EBF2: variants seen among roughly 807,000 people sequenced by gnomAD.
EBF2 encodes EBF transcription factor 2.
EBF2 carries 21 observed loss-of-function variants against 72.8 expected under a neutral mutation model. That is an observed-to-expected ratio of 0.29 (90% confidence interval 0.20 to 0.42). The LOEUF is 0.42. Among genes scored for constraint, EBF2 ranks in the 10% least tolerant of loss-of-function variants. The probability of loss-of-function intolerance (pLI) is 1.00; values close to 1 mark genes in which losing one functional copy is unlikely to be tolerated. For missense variants in EBF2, 637 were observed against 731.2 expected, an observed-to-expected ratio of 0.87 and a Z score of 1.49; for synonymous variants, 299 against 274.2, an observed-to-expected ratio of 1.09 and a Z score of -0.89.
intron 5 of EBF2, among the ~76,000 whole-genome samples, chr8:26,036,622 C>A (rs1276866475): frequency 6.6e-6 from 1 of 152,034 alleles, no homozygotes; most frequent in Non-Finnish European, 1.5e-5. Context: ...AGTCCTCCTG[C>A]CAGCAATATT....
rs114699667 is a variant in EBF2 at position 25,858,836 on chromosome 8, C to T, written c.1343-332G>A. Among the ~76,000 whole-genome samples, 1,326 of 151,662 alleles carry T rather than the reference C, an allele frequency of 8.7e-3. 20 individuals carry two copies. Among genetic ancestry groups the T allele is most frequent in the African/African-American group, 0.031 (1,263 of 41,364 alleles). On this transcript the variant is annotated intron_variant, in intron 13 of 15. Transcript: ENST00000520164. ...CCATTGCGCCCGGCTAATTTTTGTA[C>T]TTTTAGTGGAGACGGGAATTCACCA... is the stretch of plus-strand genomic sequence containing the variant.
intron 7 of EBF2, among the ~76,000 whole-genome samples, chr8:25,893,326 G>T (rs982161191): frequency 7.3e-6 from 1 of 136,974 alleles, no homozygotes; most frequent in Non-Finnish European, 1.5e-5. Flanking sequence ...CTATCACCCA[G>T]GCTGAAGTGC....
At chr8:26,019,716 T>C (rs1805176034) in intron 6 of EBF2, among the ~76,000 whole-genome samples, 1 of 152,186 alleles carries the variant, frequency 6.6e-6, no homozygotes, top group Non-Finnish European at 1.5e-5. Flanking sequence ...TCTCTCCTGG[T>C]CTCTGGGTGC....
intron 6 of EBF2, among the ~76,000 whole-genome samples, chr8:25,987,825 G>A (rs747923227): frequency 2.0e-5 from 3 of 152,060 alleles, no homozygotes; most frequent in Non-Finnish European, 2.9e-5. Flanking sequence ...AAGCATTCAT[G>A]TGGGCTCCAG....
chr8:25,993,343 A>G (rs997164215), intron 6 of EBF2, among the ~76,000 whole-genome samples: 1 of 152,226 alleles, frequency 6.6e-6, no homozygotes, highest in South Asian at 2.1e-4. Flanking sequence ...GCAGACTTCC[A>G]GTTCAAAATG....
chr8:25,978,355 A>G lies in EBF2; in HGVS notation c.551+54730T>C, dbSNP rs141346890. ...GGGCAGATTTTCTTTTACGACTGCT[A>G]AATGCCTGCCTTTCTCCCCAAGCAA... On this transcript the variant is annotated intron_variant, in intron 6 of 15. Coordinates refer to ENST00000520164, the MANE Select transcript of EBF2 (RefSeq NM_022659.4). 3.4e-3 allele frequency among the ~76,000 whole-genome samples: 516 copies of G among 152,308 alleles called. 6 individuals are homozygous for G. Among genetic ancestry groups the G allele is most frequent in the African/African-American group, 0.012 (498 of 41,576 alleles).
chr8:25,882,109 C>G (rs1244964184), intron 10 of EBF2, among the ~76,000 whole-genome samples: 1 of 152,096 alleles, frequency 6.6e-6, no homozygotes, highest in South Asian at 2.1e-4. Context: ...TAACACAAGC[C>G]GCCTACGGAA....
intron 6 of EBF2, among the ~76,000 whole-genome samples, chr8:26,016,875 G>A (rs1336133759): frequency 6.6e-6 from 1 of 152,180 alleles, no homozygotes; most frequent in African/African-American, 2.4e-5. Flanking sequence ...TAGACAAGAT[G>A]TCATGTGGGA....
intron 6 of EBF2, among the ~76,000 whole-genome samples, chr8:25,945,177 C>A (rs1011447355): frequency 2.2e-5 from 3 of 136,000 alleles, no homozygotes; most frequent in Non-Finnish European, 4.6e-5. Flanking sequence ...GACTTCATAG[C>A]CTGCATGATT....
chr8:25,848,613 A>C (rs1251581742), intron 15 of EBF2, among the ~76,000 whole-genome samples: 3 of 152,158 alleles, frequency 2.0e-5, no homozygotes, highest in African/African-American at 7.2e-5. Context: ...AAAATAGAGA[A>C]GATCTGAGAC....
At chr8:25,855,551 C>T (rs770512316) in intron 14 of EBF2, among the ~76,000 whole-genome samples, 8 of 152,052 alleles carry the variant, frequency 5.3e-5, no homozygotes, top group African/African-American at 1.9e-4. Context: ...GTATTTGCTC[C>T]GTGGCATGGT....
chr8:26,005,287 T>TATATAA lies in EBF2; in HGVS notation c.551+27797_551+27798insTTATAT, dbSNP rs374734103. ...ATATATAATATATATAATTATATAA[T>TATATAA]TATATAATTATATATAATTATATAT... On this transcript the variant is annotated intron_variant, in intron 6 of 15. Transcript: ENST00000520164. Among the ~76,000 whole-genome samples the TATATAA allele has an allele frequency of 2.3e-3, 19 of 8,182 alleles. 1 individual carries two copies. Among genetic ancestry groups the TATATAA allele is most frequent in the African/African-American group, 6.2e-3 (17 of 2,762 alleles). 5.4% of individuals were successfully genotyped at this position (8,182 alleles called of 152,430 possible).
chr8:26,002,412 C>T (rs373762877), intron 6 of EBF2, among the ~76,000 whole-genome samples: 7 of 152,224 alleles, frequency 4.6e-5, no homozygotes, highest in Non-Finnish European at 8.8e-5. Flanking sequence ...AGGCAGCCAG[C>T]GCCGAGCCTA....
chr8:25,857,446 G>A (rs1802115979), intron 14 of EBF2, among the ~76,000 whole-genome samples: 2 of 152,138 alleles, frequency 1.3e-5, no homozygotes, highest in South Asian at 4.1e-4. Context: ...GAACCACACT[G>A]GGTAAAAAGA....
chr8:25,898,288 T>C (rs971850618), intron 7 of EBF2, among the ~76,000 whole-genome samples: 5 of 152,088 alleles, frequency 3.3e-5, no homozygotes, highest in Admixed American at 2.6e-4. Flanking sequence ...AACTTGAGAT[T>C]ACTGAGATGA....
At chr8:25,938,472 GA>G (rs1237655257) in intron 6 of EBF2, among the ~76,000 whole-genome samples, 3 of 150,566 alleles carry the variant, frequency 2.0e-5, no homozygotes, top group Admixed American at 2.0e-4. Flanking sequence ...AGCCAATATA[GA>G]AGACAAATAC....
intron 6 of EBF2, among the ~76,000 whole-genome samples, chr8:25,977,609 C>T (rs564944692): frequency 1.3e-5 from 2 of 152,266 alleles, no homozygotes; most frequent in East Asian, 3.9e-4. Context: ...AAGAAAGCAC[C>T]TTCTTCAAAC....
chr8:25,884,528 C>T (rs1010821107), intron 10 of EBF2, among the ~76,000 whole-genome samples: 3 of 152,168 alleles, frequency 2.0e-5, no homozygotes, highest in Admixed American at 6.5e-5. Flanking sequence ...CCTTACTTCT[C>T]ACTATCTGAA....
At position 26,044,890 on chromosome 8, in the gene EBF2, A is replaced by G. The variant is rs1295893110; in HGVS notation, c.-31T>C. The G allele has an allele frequency of 6.2e-7, 1 of 1,611,088 alleles. No individual in the cohort carries two copies. The highest frequency in any genetic ancestry group is 8.5e-7 in the Non-Finnish European group (1 of 1,178,298). On this transcript the variant is annotated 5_prime_UTR_variant, in exon 1 of 16. Coordinates refer to ENST00000520164, the MANE Select transcript of EBF2 (RefSeq NM_022659.4). This position sits in a 1 kb window ranked among gnomAD's most constrained non-coding sequence, Gnocchi z 4.1. ...AAGTCTGATCCTCTACTGTCGCTTT[A>G]AAAGTAAGAGTTACAACACAGTCCT...
Sources: gnomAD v4.1 joint callset for allele counts (sites outside exome capture counted in the v4.1 genomes callset) on GRCh38, gnomAD v4.1.1 for gene constraint, Gnocchi (gnomAD v3.1) non-coding constraint, MANE v1.5 for transcripts, NCBI Gene and HGNC (gene_info 2026-07-23, HGNC 2026-07-21) for gene names.